The following USP42 variants were observed in gnomAD, a reference collection of about 807,000 sequenced individuals.
USP42 encodes ubiquitin specific peptidase 42.
USP42 carries 23 observed loss-of-function variants against 113.0 expected under a neutral mutation model. That is an observed-to-expected ratio of 0.20 (90% CI 0.15 to 0.29). USP42 has a LOEUF of 0.29. USP42 is among the 10% of genes least tolerant of loss of function. The pLI, the probability that USP42 is intolerant of heterozygous loss-of-function variation, is 1.00. For synonymous variants in USP42, 933 were observed against 699.0 expected, an observed-to-expected ratio of 1.33 and a Z score of -5.28; for missense variants, 2,174 against 1,779.8, an observed-to-expected ratio of 1.22 and a Z score of -3.99.
At chr7:6,136,298 C>G (rs1781145412) in intron 4 of USP42, among the ~76,000 whole-genome samples, 1 of 152,124 alleles carries the variant, frequency 6.6e-6, no homozygotes, top group Admixed American at 6.6e-5. Flanking sequence ...GCCACCATGC[C>G]TGGCCTATTA....
rs1422599974 is a variant in USP42 at position 6,160,646 on chromosome 7, G to GTAAA, written c.*131_*134dup. 1 of 152,632 alleles carries GTAAA rather than the reference G, an allele frequency of 6.6e-6. No individual in the cohort carries two copies. The highest frequency in any genetic ancestry group is 2.4e-5 in the African/African-American group (1 of 41,442). The allele number at this position is 152,632 out of a possible 1,614,324, so 9.5% of individuals were successfully genotyped here. On this transcript the variant is annotated 3_prime_UTR_variant, in exon 18 of 18. Transcript: ENST00000306177. Reference sequence around the variant, plus strand: ...TTCCAATCTGCGTGGTGCTTCTTTAGTAAATACTGTACAGATTTTACCATG... The same window carrying GTAAA: ...TTCCAATCTGCGTGGTGCTTCTTTAGTAAATAAATACTGTACAGATTTTACCATG...
the USP42 span, among the ~76,000 whole-genome samples, chr7:6,091,867 G>C: frequency 6.6e-6 from 1 of 150,664 alleles, no homozygotes; most frequent in African/African-American, 2.5e-5. Context: ...GACTACAGGG[G>C]TGCACCACAG....
At chr7:6,097,889 C>CAAT in the USP42 span, among the ~76,000 whole-genome samples, 10 of 135,178 alleles carry the variant, frequency 7.4e-5, no homozygotes, top group Admixed American at 1.5e-4. Context: ...CGCGCCCGGC[C>CAAT]TTCTTTTTCT....
intron 14 of USP42, among the ~76,000 whole-genome samples, chr7:6,151,347 T>C (rs1782038081): frequency 6.6e-6 from 1 of 152,272 alleles, no homozygotes; most frequent in Non-Finnish European, 1.5e-5. Context: ...TTTTTTACTT[T>C]ATAGACTTTT....
the USP42 span, among the ~76,000 whole-genome samples, chr7:6,094,949 G>A: frequency 6.6e-6 from 1 of 150,854 alleles, no homozygotes; most frequent in South Asian, 2.1e-4. Flanking sequence ...CACCACATCT[G>A]GCTAATTTTT....
At chr7:6,084,517 C>G in the USP42 span, 2 of 151,342 alleles carry the variant, frequency 1.3e-5, no homozygotes, top group African/African-American at 4.9e-5. Context: ...TTTGTCCAGC[C>G]TTGCCCCAGG....
At chr7:6,116,278 G>T (rs1219392746) in intron 3 of USP42, among the ~76,000 whole-genome samples, 1 of 152,126 alleles carries the variant, frequency 6.6e-6, no homozygotes, top group African/African-American at 2.4e-5. Context: ...ATTCAGACTA[G>T]ACTTTCCCTT....
At chr7:6,131,700 A>G (rs546710530) in intron 3 of USP42, among the ~76,000 whole-genome samples, 9 of 152,266 alleles carry the variant, frequency 5.9e-5, no homozygotes, top group East Asian at 1.9e-4. Flanking sequence ...TAGAAGAAGC[A>G]CAAAGAAACC....
intron 1 of USP42, among the ~76,000 whole-genome samples, chr7:6,105,766 C>G (rs575113660): frequency 1.3e-5 from 2 of 152,304 alleles, no homozygotes; most frequent in African/African-American, 4.8e-5. Flanking sequence ...AACGGGGGAT[C>G]CGTTGCAGAT....
chr7:6,108,510 C>G (rs1779416185), intron 1 of USP42, among the ~76,000 whole-genome samples: 1 of 152,164 alleles, frequency 6.6e-6, no homozygotes, highest in Non-Finnish European at 1.5e-5. Flanking sequence ...AAGACAGAGT[C>G]TCGCTCTGTC....
chr7:6,104,997 G>A lies in USP42; in HGVS notation c.-45G>A. ...GCTGTGTGCGGCGGCGGCGGCGGCG[G>A]CCGAGGGGGATGGAGCGAGCGCCGA... On this transcript the variant is annotated 5_prime_UTR_variant, in exon 1 of 18. Transcript: ENST00000306177. 6.4e-6 allele frequency: 1 copy of A among 155,622 alleles called. No individual in the cohort carries two copies. Among genetic ancestry groups the A allele is most frequent in the Non-Finnish European group, 1.4e-5 (1 of 72,020 alleles). The allele number at this position is 155,622 out of a possible 1,614,324, so 9.6% of individuals were successfully genotyped here. A position where few individuals can be genotyped will look rare whatever the true frequency, so the allele number is the denominator to read the frequency against.
rs557883498 is a variant in USP42, at chr7:6,158,856, G to A, written c.3944-594G>A. Among the ~76,000 whole-genome samples, 45 of 152,222 alleles carry A rather than the reference G, an allele frequency of 3.0e-4. No individual in the cohort carries two copies. Among genetic ancestry groups the A allele is most frequent in the African/African-American group, 1.1e-3 (45 of 41,532 alleles). On this transcript the variant is annotated intron_variant, in intron 16 of 17. Transcript: ENST00000306177. The surrounding 1 kb of genome is among the most constrained non-coding windows in gnomAD (Gnocchi z 4.2). The stretch of plus-strand genomic sequence containing the variant: ...CCAGCTGGGGCTACTGGGAGACAGT[G>A]ATGGCCCCCGAGGCAGCTGGTCCAG...
At position 6,150,095 on chromosome 7, in the gene USP42, C is replaced by T. The variant is rs1251471296; in HGVS notation, c.1899C>T (p.Ser633=). 7 of 1,610,488 alleles carry T rather than the reference C, an allele frequency of 4.3e-6. No individual in the cohort carries two copies. The highest frequency in any genetic ancestry group is 3.4e-5 in the Admixed American group (2 of 59,298). Residue 633 remains serine (S), a synonymous_variant, in exon 13 of 18, where the codon AGC becomes AGT. Transcript: ENST00000306177. ...AGAATGGGATTGGTACGATTGTGAG[C>T]TCCCACTCTCCCGGCCAAGATGCCG... The part of the protein sequence containing the change: ...GKENGIGTIV[S]SHSPGQDAED...
In USP42 at chr7:6,157,312, C is replaced by T. The variant is rs1782510187; in HGVS notation, c.3943+257C>T. 3 of 1,165,922 alleles carry T rather than the reference C, an allele frequency of 2.6e-6. No homozygotes were observed. Among genetic ancestry groups the T allele is most frequent in the Non-Finnish European group, 3.2e-6 (3 of 946,718 alleles). The allele number at this position is 1,165,922 out of a possible 1,614,324, so 72.2% of individuals were successfully genotyped here. On this transcript the variant is annotated intron_variant, in intron 16 of 17. Transcript: ENST00000306177. The surrounding 1 kb of genome is among the most constrained non-coding windows in gnomAD (Gnocchi z 4.1). ...GCAGCACTACCTGTGTCACCAAAGCCCTGGAACGTACAGCTCTAGGCATCT... is the reference window on the plus strand; with the variant it reads ...GCAGCACTACCTGTGTCACCAAAGCTCTGGAACGTACAGCTCTAGGCATCT...
chr7:6,152,805 C>G (rs1322985970), intron 14 of USP42, among the ~76,000 whole-genome samples: 2 of 152,202 alleles, frequency 1.3e-5, no homozygotes, highest in African/African-American at 4.8e-5. Context: ...TTTGCTAAAG[C>G]CTCTGATTCC....
chr7:6,146,030 C>A, intron 10 of USP42, 118 bp from the exon 11 acceptor site: 1 of 827,050 alleles, frequency 1.2e-6, no homozygotes, highest in Non-Finnish European at 1.9e-6. Flanking sequence ...CCACTGCACT[C>A]CAGCCTGGGT....
chr7:6,146,051 G>T, intron 10 of USP42, 97 bp from the exon 11 acceptor site: 1 of 956,744 alleles, frequency 1.0e-6, no homozygotes, highest in Non-Finnish European at 1.6e-6. Flanking sequence ...GACAGAGTGA[G>T]ACTCCATCTC....
chr7:6,097,151 G>C, the USP42 span, among the ~76,000 whole-genome samples: 1 of 150,840 alleles, frequency 6.6e-6, no homozygotes, highest in Non-Finnish European at 1.5e-5. Context: ...AGCATCTCCT[G>C]TTATTAGCCC....
At chr7:6,152,376 G>A (rs1473152952) in intron 14 of USP42, among the ~76,000 whole-genome samples, 28 of 152,352 alleles carry the variant, frequency 1.8e-4, no homozygotes, top group Admixed American at 1.8e-3. Context: ...AAACGTCAGT[G>A]TCAGTGAAAA....
Sources: gnomAD v4.1 joint callset for allele counts (sites outside exome capture counted in the v4.1 genomes callset) on GRCh38, gnomAD v4.1.1 for gene constraint, Gnocchi (gnomAD v3.1) non-coding constraint, MANE v1.5 for transcripts, NCBI Gene and HGNC (gene_info 2026-07-23, HGNC 2026-07-21) for gene names.